Variants in WNK3 observed in about 807,000 individuals in gnomAD.
WNK3 encodes WNK lysine deficient protein kinase 3.
WNK3 carries 18 observed loss-of-function variants against 116.7 expected under a neutral mutation model. The ratio of observed to expected loss-of-function variants is 0.15; its 90% confidence interval spans 0.11 to 0.23. WNK3 has a LOEUF of 0.23. Among genes scored for constraint, WNK3 ranks in the 10% least tolerant of loss-of-function variants. The pLI, the probability that WNK3 is intolerant of heterozygous loss-of-function variation, is 1.00. For missense variants in WNK3, 993 were observed against 1,323.8 expected (o/e 0.75, Z 3.88); for synonymous variants, 404 against 469.4 (o/e 0.86, Z 1.80).
At chrX:54,328,852 C>T (rs1397746995) in intron 2 of WNK3, among the ~76,000 whole-genome samples, 7 of 110,545 alleles carry the variant, frequency 6.3e-5, no homozygotes, top group South Asian at 3.9e-4. Context: ...CAGTGGGGCA[C>T]AATCACAACT....
chrX:54,344,078 A>C (rs1238045925), intron 1 of WNK3, among the ~76,000 whole-genome samples: 7 of 112,498 alleles, frequency 6.2e-5, no homozygotes, highest in Non-Finnish European at 3.7e-5. Context: ...ATATAAAAAT[A>C]TAAGTATTTT....
intron 2 of WNK3, among the ~76,000 whole-genome samples, chrX:54,318,678 G>A (rs995656126): frequency 1.8e-5 from 2 of 110,595 alleles, no homozygotes; most frequent in Admixed American, 1.9e-4. Flanking sequence ...TCCAGCCTAG[G>A]TAAGAGAGCA....
At position 54,248,690 on chromosome X, in the gene WNK3, T is replaced by C. The variant is rs2068096643; in HGVS notation, c.3651+7A>G. The C allele has an allele frequency of 1.7e-6, 2 of 1,182,058 alleles. No homozygotes were observed. On this transcript the variant is annotated splice_region_variant and intron_variant, in intron 17 of 23. Coordinates refer to ENST00000354646, the Ensembl canonical transcript of WNK3. ...GTAAGGAATTGGTTAGAAAGAATGA[T>C]ACTTACATGTAAACACAATTCGCTG...
At chrX:54,336,746 A>G (rs1416361494) in intron 1 of WNK3, among the ~76,000 whole-genome samples, 2 of 111,676 alleles carry the variant, frequency 1.8e-5, no homozygotes, top group Non-Finnish European at 3.8e-5. Context: ...TTGAATGAAA[A>G]TAGTGGCAGG....
intron 22 of WNK3, among the ~76,000 whole-genome samples, chrX:54,205,449 G>A (rs1253172964): frequency 9.0e-6 from 1 of 111,491 alleles, no homozygotes; most frequent in Non-Finnish European, 1.9e-5. Context: ...TGCTGAACTA[G>A]TGGCACAATA....
intron 22 of WNK3, among the ~76,000 whole-genome samples, chrX:54,216,297 AT>A (rs2067694699): frequency 1.9e-5 from 2 of 104,522 alleles, no homozygotes; most frequent in Admixed American, 1.1e-4. Flanking sequence ...ACTAAAATAT[AT>A]ATATATATAT....
intron 1 of WNK3, among the ~76,000 whole-genome samples, chrX:54,353,038 T>C (rs1557178747): frequency 8.9e-6 from 1 of 112,081 alleles, no homozygotes; most frequent in Non-Finnish European, 1.9e-5. Context: ...AATGGTCACC[T>C]GGGACTTGGA....
intron 1 of WNK3, among the ~76,000 whole-genome samples, chrX:54,342,326 G>C (rs2069338182): frequency 9.1e-6 from 1 of 110,054 alleles, no homozygotes; most frequent in Non-Finnish European, 1.9e-5. Context: ...CAGAACTCTG[G>C]GAGGCCAAGG....
At chrX:54,193,173 A>T (rs1557139346) in exon 24 of WNK3, 1 of 112,082 alleles carries the variant, frequency 8.9e-6, no homozygotes, top group African/African-American at 3.2e-5. Flanking sequence ...ATAGTAAATT[A>T]TGCTGAAAGT....
intron 10 of WNK3, among the ~76,000 whole-genome samples, chrX:54,277,061 G>A (rs782708462): frequency 9.0e-6 from 1 of 111,213 alleles, no homozygotes; most frequent in Non-Finnish European, 1.9e-5. Context: ...AGGTAATAGA[G>A]GGTAACTACC....
chrX:54,238,442 G>A lies in WNK3; in HGVS notation c.3914C>T (p.Ala1305Val), dbSNP rs1039306862. The stretch of plus-strand genomic sequence containing the variant: ...CCGTGTCAGAGGAATGGGATCAGGA[G>A]CAATTGCTGATCTCATCTCTTCTGT... The change falls in exon 19 of 24, where the codon GCT becomes GTT. Residue 1305 changes from alanine to valine, a missense_variant. This residue lies in a region of WNK3 where 836 missense variants were observed against 976.5 expected (regional missense o/e 0.86). Transcript: ENST00000354646. The A allele has an allele frequency of 2.5e-6, 3 of 1,209,986 alleles. No individual in the cohort carries two copies. Among genetic ancestry groups the A allele is most frequent in the Middle Eastern group, 2.3e-4 (1 of 4,348 alleles).
chrX:54,236,020 G>A (rs1370824120), intron 20 of WNK3, among the ~76,000 whole-genome samples: 4 of 112,259 alleles, frequency 3.6e-5, no homozygotes, highest in Non-Finnish European at 7.5e-5. Context: ...CAGCTGCAGT[G>A]CTAGGAGGGA....
At chrX:54,196,928 A>G (rs2067448584) in exon 24 of WNK3, 1 of 111,925 alleles carries the variant, frequency 8.9e-6, no homozygotes, top group Non-Finnish European at 1.9e-5. Context: ...GATACTATAG[A>G]TACTAAAAAG....
intron 2 of WNK3, among the ~76,000 whole-genome samples, chrX:54,327,381 C>T (rs2069118429): frequency 9.0e-6 from 1 of 110,817 alleles, no homozygotes; most frequent in African/African-American, 3.3e-5. Context: ...GCCAGGAGTT[C>T]GAGACTGGCC....
chrX:54,254,205 C>T (rs2068166562), intron 12 of WNK3, 130 bp from the exon 13 acceptor site: 1 of 414,304 alleles, frequency 2.4e-6, no homozygotes, highest in Admixed American at 3.6e-5. Flanking sequence ...GAATGTTTTC[C>T]CTTGGTGGAA....
intron 2 of WNK3, among the ~76,000 whole-genome samples, chrX:54,330,541 C>T (rs1286160191): frequency 5.4e-5 from 6 of 110,889 alleles, no homozygotes; most frequent in African/African-American, 1.3e-4. Context: ...TAGATGACGG[C>T]GTGAGATTAT....
intron 11 of WNK3, among the ~76,000 whole-genome samples, chrX:54,258,604 G>C (rs1239189826): frequency 9.1e-6 from 1 of 110,034 alleles, no homozygotes; most frequent in Non-Finnish European, 1.9e-5. Flanking sequence ...AAAGTGCTAG[G>C]ATTACAGGTG....
chrX:54,249,650 A>G lies in WNK3; in HGVS notation c.2714-16T>C. The G allele has an allele frequency of 4.2e-6, 5 of 1,181,151 alleles. No individual in the cohort carries two copies. The highest frequency in any genetic ancestry group is 5.7e-6 in the Non-Finnish European group (5 of 873,986). On this transcript the variant is annotated splice_polypyrimidine_tract_variant and intron_variant, in intron 16 of 23. Transcript: ENST00000354646. ...TTTTTTGGACCTGGAACAATAATAA[A>G]GAATGGCTAAGCACGTACTGACGAG...
At chrX:54,353,207 C>T (rs1256041433) in intron 1 of WNK3, among the ~76,000 whole-genome samples, 2 of 111,581 alleles carry the variant, frequency 1.8e-5, no homozygotes, top group African/African-American at 6.5e-5. Flanking sequence ...ACTTGTAATC[C>T]CAGCTCTTTG....
Sources: gnomAD v4.1 joint callset for allele counts (sites outside exome capture counted in the v4.1 genomes callset) on GRCh38, gnomAD v4.1.1 for gene constraint, gnomAD v4.1.1 regional missense constraint, MANE v1.5 for transcripts, NCBI Gene and HGNC (gene_info 2026-07-23, HGNC 2026-07-21) for gene names.